PLEKHA2: variants seen among roughly 807,000 people sequenced by gnomAD.
PLEKHA2 encodes the protein pleckstrin homology domain-containing family A member 2.
In PLEKHA2, 28 loss-of-function variants were observed where a neutral mutation model predicts 53.2. That is an observed-to-expected ratio of 0.53 (90% CI 0.39 to 0.72). The LOEUF is 0.72. PLEKHA2 is among the 30% of genes least tolerant of loss of function. The probability of loss-of-function intolerance (pLI) is 0.00; values close to 1 mark genes in which losing one functional copy is unlikely to be tolerated. For missense variants in PLEKHA2, 426 were observed against 537.9 expected (o/e 0.79, Z 2.06); for synonymous variants, 193 against 196.4 (o/e 0.98, Z 0.14).
At chr8:38,951,976 C>T (rs1265253192) in intron 6 of PLEKHA2, among the ~76,000 whole-genome samples, 190 bp from the exon 7 acceptor site, 1 of 152,152 alleles carries the variant, frequency 6.6e-6, no homozygotes, top group East Asian at 1.9e-4. Flanking sequence ...TCTAGAACTC[C>T]TGGGCTCAAG....
chr8:38,962,944 G>A (rs926842477), intron 10 of PLEKHA2, among the ~76,000 whole-genome samples: 10 of 152,352 alleles, frequency 6.6e-5, no homozygotes, highest in African/African-American at 2.4e-4. Flanking sequence ...GCTGTGTCTA[G>A]AGATGGCACT....
intron 2 of PLEKHA2, among the ~76,000 whole-genome samples, chr8:38,929,627 C>T (rs751989490): frequency 6.6e-6 from 1 of 152,162 alleles, no homozygotes; most frequent in Non-Finnish European, 1.5e-5. Flanking sequence ...TAGGATTAGG[C>T]GACCACATGT....
At chr8:38,914,279 A>G (rs1449244988) in intron 1 of PLEKHA2, among the ~76,000 whole-genome samples, 1 of 152,210 alleles carries the variant, frequency 6.6e-6, no homozygotes, top group Non-Finnish European at 1.5e-5. Context: ...TGGTATCCAT[A>G]TGTGTGTTTT....
At chr8:38,918,817 A>C (rs1260944426) in intron 2 of PLEKHA2, among the ~76,000 whole-genome samples, 1 of 152,108 alleles carries the variant, frequency 6.6e-6, no homozygotes, top group Non-Finnish European at 1.5e-5. Context: ...ACCCATCCAC[A>C]CACACACAGA....
intron 10 of PLEKHA2, among the ~76,000 whole-genome samples, chr8:38,960,503 C>A (rs1473818571): frequency 1.3e-5 from 2 of 151,872 alleles, no homozygotes; most frequent in Non-Finnish European, 2.9e-5. Context: ...AAAAAATGAG[C>A]AATCATAAAC....
At chr8:38,959,173 A>G (rs954443641) in intron 10 of PLEKHA2, among the ~76,000 whole-genome samples, 4 of 152,190 alleles carry the variant, frequency 2.6e-5, no homozygotes, top group African/African-American at 7.2e-5. Flanking sequence ...TGCTACTGCC[A>G]TTAGACTGAA....
intron 1 of PLEKHA2, among the ~76,000 whole-genome samples, chr8:38,905,561 A>G (rs1833858547): frequency 1.3e-5 from 2 of 152,070 alleles, no homozygotes; most frequent in South Asian, 2.1e-4. Context: ...AAGAGACAGA[A>G]GCACATGTCT....
chr8:38,910,625 T>C (rs1193124504), intron 1 of PLEKHA2, among the ~76,000 whole-genome samples: 2 of 152,170 alleles, frequency 1.3e-5, no homozygotes, highest in Admixed American at 1.3e-4. Context: ...TAGAAAACAA[T>C]TTTGTAAAAG....
At position 38,948,937 on chromosome 8, in the gene PLEKHA2, C is replaced by T. The variant is rs149419268; in HGVS notation, c.346-1913C>T. 5.3e-3 allele frequency among the ~76,000 whole-genome samples: 809 copies of T among 152,262 alleles called. 8 individuals carry two copies. Among genetic ancestry groups the T allele is most frequent in the African/African-American group, 0.019 (776 of 41,540 alleles). On this transcript the variant is annotated intron_variant, in intron 5 of 11. Transcript: ENST00000617275. ...CCAGGCTGGAGTGCAATGGCGTGAT[C>T]TCGGCTCACTGCAACCTCTGCCTTC...
chr8:38,913,290 G>T (rs1244388389), intron 1 of PLEKHA2, among the ~76,000 whole-genome samples: 2 of 151,922 alleles, frequency 1.3e-5, no homozygotes, highest in Non-Finnish European at 2.9e-5. Context: ...CTTGAACCTG[G>T]GAGGCGGAGG....
intron 3 of PLEKHA2, among the ~76,000 whole-genome samples, chr8:38,938,906 T>C (rs556622295): frequency 5.3e-5 from 8 of 151,388 alleles, no homozygotes; most frequent in East Asian, 3.9e-4. Context: ...TTTTCTTTTT[T>C]TTTTTTTTTA....
At chr8:38,921,077 A>G (rs1258943992) in intron 2 of PLEKHA2, among the ~76,000 whole-genome samples, 1 of 152,212 alleles carries the variant, frequency 6.6e-6, no homozygotes, top group Non-Finnish European at 1.5e-5. Flanking sequence ...CTGGGATTAC[A>G]GGCATGAGCC....
intron 1 of PLEKHA2, chr8:38,902,016 G>C (rs1833793767): frequency 6.6e-6 from 1 of 152,252 alleles, no homozygotes; most frequent in South Asian, 2.1e-4. Context: ...GGTGCAGCCT[G>C]GACTTCGGGC....
chr8:38,916,632 T>C (rs561286540), intron 1 of PLEKHA2, among the ~76,000 whole-genome samples: 1 of 152,350 alleles, frequency 6.6e-6, no homozygotes, highest in African/African-American at 2.4e-5. Flanking sequence ...TAGTACTCCA[T>C]TGTGTATATA....
intron 8 of PLEKHA2, 32 bp downstream of exon 8, chr8:38,952,736 G>T (rs1484560976): frequency 1.3e-5 from 20 of 1,597,010 alleles, no homozygotes; most frequent in South Asian, 2.2e-5. Context: ...CTTCTGAGAG[G>T]TCATGGAAAC....
intron 1 of PLEKHA2, among the ~76,000 whole-genome samples, chr8:38,909,119 G>C (rs1833919835): frequency 6.6e-6 from 1 of 151,754 alleles, no homozygotes. Flanking sequence ...CTCCAACCTG[G>C]GCGACAGAGC....
chr8:38,945,089 GC>G (rs1366181315), intron 4 of PLEKHA2, among the ~76,000 whole-genome samples: 1 of 152,196 alleles, frequency 6.6e-6, no homozygotes, highest in African/African-American at 2.4e-5. Flanking sequence ...GTGCATGGGT[GC>G]CTCAAGTCAG....
intron 2 of PLEKHA2, among the ~76,000 whole-genome samples, chr8:38,925,604 C>T (rs1400012765): frequency 6.6e-6 from 1 of 152,198 alleles, no homozygotes. Flanking sequence ...TCTTAGTACT[C>T]CTGGGGTGCC....
intron 3 of PLEKHA2, among the ~76,000 whole-genome samples, chr8:38,937,875 C>G (rs1222614458): frequency 6.6e-6 from 1 of 152,208 alleles, no homozygotes; most frequent in African/African-American, 2.4e-5. Context: ...GCCACCGTGT[C>G]AGGTGGCCTG....
Sources: gnomAD v4.1 joint callset for allele counts (sites outside exome capture counted in the v4.1 genomes callset) on GRCh38, gnomAD v4.1.1 for gene constraint, MANE v1.5 for transcripts, NCBI Gene and HGNC (gene_info 2026-07-23, HGNC 2026-07-21) for gene names.